Variants in TCF7L2 observed in about 807,000 individuals in gnomAD.
TCF7L2 encodes transcription factor 7-like 2.
In TCF7L2, 23 loss-of-function variants were observed where a neutral mutation model predicts 77.9. The ratio of observed to expected loss-of-function variants is 0.30; its 90% CI spans 0.21 to 0.42. The LOEUF is 0.42. Ranked by LOEUF, TCF7L2 falls within the 10% of genes least tolerant of loss-of-function variation. The probability of loss-of-function intolerance (pLI) is 1.00; values close to 1 mark genes in which losing one functional copy is unlikely to be tolerated. For missense variants in TCF7L2, 654 were observed against 793.1 expected (o/e 0.82, Z 2.11); for synonymous variants, 413 against 340.2 (o/e 1.21, Z -2.36).
rs1491035883 is a variant in TCF7L2 at position 113,144,136 on chromosome 10, G to GTGTGTA, written c.788+112_788+113insGTGTAT. On this transcript the variant is annotated intron_variant, in intron 7 of 13. Coordinates refer to ENST00000627217, the MANE Select transcript of TCF7L2 (RefSeq NM_001146274.2). ...TGTGTGTGTGTGTGTGTGTGTGTGT[G>GTGTGTA]TATGTGTGTGTGTTAGAAGCCAGGG... 8.6e-6 allele frequency: 7 copies of GTGTGTA among 815,582 alleles called. No individual in the cohort carries two copies. In the African/African-American group the frequency reaches 1.3e-4, roughly 15 times the overall value. 50.5% of individuals were successfully genotyped at this position (815,582 alleles called of 1,614,324 possible). A position where few individuals can be genotyped will look rare whatever the true frequency, so the allele number is the denominator to read the frequency against.
chr10:113,098,272 C>T (rs181235504), intron 5 of TCF7L2, among the ~76,000 whole-genome samples: 1 of 151,988 alleles, frequency 6.6e-6, no homozygotes, highest in African/African-American at 2.4e-5. Flanking sequence ...TCCAGGTCTC[C>T]GTTGGGGCTT....
chr10:113,125,521 G>A (rs569514295), intron 5 of TCF7L2: 2 of 152,166 alleles, frequency 1.3e-5, no homozygotes, highest in East Asian at 3.9e-4. Flanking sequence ...AATTCTAGCA[G>A]ATTTGGTCCC....
chr10:113,046,231 G>T (rs895413993), intron 5 of TCF7L2, among the ~76,000 whole-genome samples: 3 of 152,144 alleles, frequency 2.0e-5, no homozygotes, highest in Non-Finnish European at 4.4e-5. Context: ...CCATCAAGAA[G>T]GATTGTGTGA....
intron 13 of TCF7L2, among the ~76,000 whole-genome samples, chr10:113,164,596 TA>T (rs34634002): frequency 0.31 from 43,223 of 141,204 alleles, 6,701 homozygotes; most frequent in East Asian, 0.53. Context: ...CCCCAAATCT[TA>T]AAAAAAAAAA....
At chr10:113,140,631 G>A (rs147690109) in intron 5 of TCF7L2, among the ~76,000 whole-genome samples, 2 of 152,286 alleles carry the variant, frequency 1.3e-5, no homozygotes, top group African/African-American at 4.8e-5. Context: ...TTGCATCCAT[G>A]CTGTCTGTGA....
intron 5 of TCF7L2, among the ~76,000 whole-genome samples, chr10:113,093,846 TC>T (rs34385397): frequency 6.6e-6 from 1 of 152,216 alleles, no homozygotes; most frequent in East Asian, 1.9e-4. Context: ...TTTTTCTTCT[TC>T]CTGTAATTGC....
At chr10:112,976,503 A>G (rs1383115323) in intron 4 of TCF7L2, among the ~76,000 whole-genome samples, 1 of 152,092 alleles carries the variant, frequency 6.6e-6, no homozygotes, top group Non-Finnish European at 1.5e-5. Context: ...TTACTCAGAG[A>G]TTGTGTTTTA....
At position 113,005,359 on chromosome 10, in the gene TCF7L2, G is replaced by T. The variant is rs562225025; in HGVS notation, c.451-34666G>T. Reference sequence around the variant, plus strand: ...GTCCTTCTCTGCTGCTGGCTAGCAGGGTAGCTGTGGAGGGGTGCCCCATCT... The same window carrying T: ...GTCCTTCTCTGCTGCTGGCTAGCAGTGTAGCTGTGGAGGGGTGCCCCATCT... On this transcript the variant is annotated intron_variant, in intron 4 of 13. Transcript: ENST00000627217. 1.9e-4 allele frequency among the ~76,000 whole-genome samples: 29 copies of T among 152,256 alleles called. No homozygotes were observed. The South Asian group carries it at 5.6e-3, about 29-fold the overall frequency.
chr10:113,109,525 GGATTACA>G (rs1242182893), intron 5 of TCF7L2, among the ~76,000 whole-genome samples: 2 of 152,134 alleles, frequency 1.3e-5, no homozygotes, highest in African/African-American at 4.8e-5. Context: ...CAAGTAGCTG[GGATTACA>G]GGCTCCTGCC....
rs1223953247 is a variant in TCF7L2 at position 113,165,864 on chromosome 10, C to A, written c.1701C>A (p.Ala567=). 1 of 1,607,482 alleles carries A rather than the reference C, an allele frequency of 6.2e-7. No homozygotes were observed. Among genetic ancestry groups the A allele is most frequent in the Non-Finnish European group, 8.5e-7 (1 of 1,175,816 alleles). ...CCCCAGCCGCTTTGCAGCCTGCCGC[C>A]CCCTCCTCATCAATTGCACAGCCGT... The change falls in exon 14 of 14, where the codon GCC becomes GCA. Residue 567 remains alanine (A), a synonymous_variant. Coordinates refer to ENST00000627217, the MANE Select transcript of TCF7L2 (RefSeq NM_001146274.2).
chr10:113,131,062 G>A lies in TCF7L2; in HGVS notation c.553-10122G>A, dbSNP rs1048833255. Among the ~76,000 whole-genome samples, 7 of 152,254 alleles carry A rather than the reference G, an allele frequency of 4.6e-5. No homozygotes were observed. The East Asian group carries it at 7.7e-4, about 17-fold the overall frequency. Reference sequence around the variant, plus strand: ...ATTACAGGCGTGAGCCACCGTGCCCGGCCGGAGTGATTATCTTTTGCCACA... The same window carrying A: ...ATTACAGGCGTGAGCCACCGTGCCCAGCCGGAGTGATTATCTTTTGCCACA... On this transcript the variant is annotated intron_variant, in intron 5 of 13. Coordinates refer to ENST00000627217, the MANE Select transcript of TCF7L2 (RefSeq NM_001146274.2).
At chr10:112,966,790 G>A (rs2037024365) in intron 4 of TCF7L2, among the ~76,000 whole-genome samples, 1 of 152,202 alleles carries the variant, frequency 6.6e-6, no homozygotes, top group African/African-American at 2.4e-5. Flanking sequence ...TTTCTCAGGA[G>A]GAAGATGGAG....
chr10:112,975,980 T>G (rs2039345135), intron 4 of TCF7L2, among the ~76,000 whole-genome samples: 1 of 152,254 alleles, frequency 6.6e-6, no homozygotes, highest in African/African-American at 2.4e-5. Context: ...TATACTATAT[T>G]ACCTTTGCAT....
chr10:112,974,489 G>A lies in TCF7L2; in HGVS notation c.450+9865G>A, dbSNP rs141338944. 2.6e-5 allele frequency among the ~76,000 whole-genome samples: 4 copies of A among 152,302 alleles called. No individual in the cohort carries two copies. In the East Asian group the frequency reaches 7.7e-4, roughly 29 times the overall value. On this transcript the variant is annotated intron_variant, in intron 4 of 13. Coordinates refer to ENST00000627217, the MANE Select transcript of TCF7L2 (RefSeq NM_001146274.2). ...AGATGAGTCTCGCTCTGTTGCCCAG[G>A]CTGGAGTGCAGTGGCGCGATCTCGG...
chr10:113,115,765 G>A (rs1013054024), intron 5 of TCF7L2, among the ~76,000 whole-genome samples: 6 of 152,020 alleles, frequency 3.9e-5, no homozygotes, highest in African/African-American at 7.3e-5. Flanking sequence ...GACAGCGCGC[G>A]GTTTTAAAAA....
intron 4 of TCF7L2, among the ~76,000 whole-genome samples, chr10:113,004,220 T>C (rs533538657): frequency 1.1e-4 from 17 of 152,180 alleles, no homozygotes; most frequent in African/African-American, 3.4e-4. Flanking sequence ...GGAAGAACAG[T>C]GTGAGCCACT....
chr10:112,964,716 TG>T, intron 4 of TCF7L2, 92 bp downstream of exon 4: 3 of 794,276 alleles, frequency 3.8e-6, no homozygotes, highest in Non-Finnish European at 4.0e-6. Flanking sequence ...ACTGAGATAA[TG>T]ATGATGATGA....
intron 5 of TCF7L2, among the ~76,000 whole-genome samples, chr10:113,072,884 T>C (rs1564855092): frequency 1.3e-5 from 2 of 152,114 alleles, no homozygotes; most frequent in African/African-American, 4.8e-5. Flanking sequence ...TACATCATGA[T>C]TGTGATGGCA....
intron 5 of TCF7L2, among the ~76,000 whole-genome samples, chr10:113,115,573 G>A (rs977794833): frequency 2.4e-4 from 36 of 152,146 alleles, no homozygotes; most frequent in African/African-American, 8.0e-4. Flanking sequence ...TGCACGGAAC[G>A]TTGTGATGAA....
Sources: gnomAD v4.1 joint callset for allele counts (sites outside exome capture counted in the v4.1 genomes callset) on GRCh38, gnomAD v4.1.1 for gene constraint, MANE v1.5 for transcripts, NCBI Gene and HGNC (gene_info 2026-07-23, HGNC 2026-07-21) for gene names.